Variants in SYT16 observed in about 807,000 individuals in gnomAD.
SYT16 encodes synaptotagmin 16, also known as synaptotagmin-16.
In SYT16, 42 loss-of-function variants were observed where a neutral mutation model predicts 61.4. That is an observed-to-expected ratio of 0.68 (90% confidence interval 0.53 to 0.89). The LOEUF (loss-of-function observed/expected upper bound fraction) is 0.89. SYT16 is among the 40% of genes least tolerant of loss of function. The pLI, the probability that SYT16 is intolerant of heterozygous loss-of-function variation, is 0.00. For synonymous variants in SYT16, 314 were observed against 302.3 expected (o/e 1.04, Z -0.40); for missense variants, 804 against 807.3 (o/e 1.00, Z 0.05).
rs929607475 is a variant in SYT16 at position 61,886,533 on chromosome 14, T to C, written c.-325+73723T>C. ...TAGATTCTGTCTTAAGAAACCACTT[T>C]GCTCATCTGCTCATCTGTAAGAAGC... On this transcript the variant is annotated intron_variant, in intron 1 of 7. Transcript: ENST00000683842. Among the ~76,000 whole-genome samples, 10 of 152,350 alleles carry C rather than the reference T, an allele frequency of 6.6e-5. No individual in the cohort carries two copies. In the East Asian group the frequency reaches 7.7e-4, roughly 12 times the overall value.
intron 1 of SYT16, among the ~76,000 whole-genome samples, chr14:61,838,976 C>T (rs1266948139): frequency 6.6e-6 from 1 of 151,330 alleles, no homozygotes; most frequent in Non-Finnish European, 1.5e-5. Flanking sequence ...ACCGGCCCCC[C>T]ACCCCCCCGC....
rs1308830485 is a variant in SYT16 at position 62,104,715 on chromosome 14, A to G, written c.*4008A>G. On this transcript the variant is annotated 3_prime_UTR_variant, in exon 8 of 8. Transcript: ENST00000683842. ...TGGCATAGCACAGTGAAGTTGGCAC[A>G]AACTGTGATCCTGGCCTGGGTTTAC... 2 of 152,248 alleles carry G rather than the reference A, an allele frequency of 1.3e-5. No individual in the cohort carries two copies. The highest frequency in any genetic ancestry group is 2.9e-5 in the Non-Finnish European group (2 of 68,034). The allele number at this position is 152,248 out of a possible 1,614,324, so 9.4% of individuals were successfully genotyped here. A position where few individuals can be genotyped will look rare whatever the true frequency, so the allele number is the denominator to read the frequency against.
At chr14:61,983,753 C>T (rs2052185878) in intron 2 of SYT16, among the ~76,000 whole-genome samples, 2 of 152,104 alleles carry the variant, frequency 1.3e-5, no homozygotes, top group South Asian at 4.1e-4. Flanking sequence ...GTCTCGAATT[C>T]CTGGCCTCAA....
intron 1 of SYT16, among the ~76,000 whole-genome samples, chr14:61,817,169 C>A (rs985200839): frequency 6.6e-6 from 1 of 151,862 alleles, no homozygotes; most frequent in Non-Finnish European, 1.5e-5. Context: ...GTAATCCGAG[C>A]ACTTTGGGAG....
At chr14:61,999,927 T>C (rs1308738443) in intron 3 of SYT16, among the ~76,000 whole-genome samples, 1 of 151,716 alleles carries the variant, frequency 6.6e-6, no homozygotes, top group Non-Finnish European at 1.5e-5. Flanking sequence ...TTTCCGTTAT[T>C]TTAGTTTTTA....
intron 6 of SYT16, among the ~76,000 whole-genome samples, chr14:62,081,790 A>G (rs939498160): frequency 6.6e-6 from 1 of 152,102 alleles, no homozygotes; most frequent in African/African-American, 2.4e-5. Context: ...CATAATTTAC[A>G]TGCCTACAGG....
chr14:61,937,253 A>T (rs1238654439), intron 1 of SYT16, among the ~76,000 whole-genome samples: 1 of 152,270 alleles, frequency 6.6e-6, no homozygotes, highest in Non-Finnish European at 1.5e-5. Flanking sequence ...GAGCAAGGCC[A>T]GTGTTAATGG....
intron 1 of SYT16, among the ~76,000 whole-genome samples, chr14:61,906,748 T>C (rs992475674): frequency 6.7e-6 from 1 of 148,686 alleles, no homozygotes; most frequent in Non-Finnish European, 1.5e-5. Context: ...CATCCATCCA[T>C]CCTTCCGTCC....
Position 62,075,261 on chromosome 14 carries a change from A to G in SYT16, c.863A>G (p.Gln288Arg). 1 of 1,613,966 alleles carries G rather than the reference A, an allele frequency of 6.2e-7. No homozygotes were observed. The highest frequency in any genetic ancestry group is 8.5e-7 in the Non-Finnish European group (1 of 1,179,878). The change falls in exon 5 of 8, where the codon CAA becomes CGA. Residue 288 changes from glutamine to arginine, a missense_variant. Transcript: ENST00000683842. Reference protein sequence around the residue: ...GDAKHHGTSHQESSVVQSLRR... With the variant: ...GDAKHHGTSHRESSVVQSLRR... ...GCCAAACACCACGGCACATCTCACC[A>G]AGAGTCCAGTGTGGTCCAAAGCCTC...
At chr14:61,888,977 G>C (rs1039208963) in intron 1 of SYT16, among the ~76,000 whole-genome samples, 2 of 152,144 alleles carry the variant, frequency 1.3e-5, no homozygotes, top group Non-Finnish European at 2.9e-5. Context: ...TTCACTGTAG[G>C]AGGCCCAGAA....
intron 7 of SYT16, among the ~76,000 whole-genome samples, chr14:62,093,988 G>A (rs891678339): frequency 2.6e-5 from 4 of 152,098 alleles, no homozygotes; most frequent in African/African-American, 9.7e-5. Context: ...CTGAGGTGAT[G>A]ATATTCAAAA....
intron 7 of SYT16, among the ~76,000 whole-genome samples, chr14:62,087,439 C>T (rs968425598): frequency 6.6e-6 from 1 of 152,196 alleles, no homozygotes; most frequent in Non-Finnish European, 1.5e-5. Context: ...AGGCTCTCGG[C>T]TCAGGTGCAG....
In SYT16 at chr14:61,862,023, T is replaced by TA. The variant is rs557649130; in HGVS notation, c.-325+49221dup. 1.6e-3 allele frequency among the ~76,000 whole-genome samples: 244 copies of TA among 152,002 alleles called. No individual in the cohort carries two copies. The Middle Eastern group carries it at 0.017, about 11-fold the overall frequency. On this transcript the variant is annotated intron_variant, in intron 1 of 7. Transcript: ENST00000683842. ...AGGGTTGCTACAAACTTTCAATTTG[T>TA]AAAAAAAACACACACAATATCTGCA... is the stretch of plus-strand genomic sequence containing the variant.
At chr14:62,083,672 A>G (rs2056786729) in intron 6 of SYT16, among the ~76,000 whole-genome samples, 1 of 152,200 alleles carries the variant, frequency 6.6e-6, no homozygotes. Context: ...TATATTTAAC[A>G]ACCTTAAGCA....
intron 1 of SYT16, among the ~76,000 whole-genome samples, chr14:61,813,409 G>A (rs1255600390): frequency 2.6e-5 from 4 of 152,234 alleles, no homozygotes; most frequent in South Asian, 4.1e-4. Flanking sequence ...TTGGCATCTT[G>A]GCACCGCTGC....
intron 2 of SYT16, among the ~76,000 whole-genome samples, chr14:61,982,346 G>T (rs146485562): frequency 3.3e-5 from 5 of 152,136 alleles, no homozygotes; most frequent in Non-Finnish European, 4.4e-5. Flanking sequence ...GAAGTTTAAT[G>T]GACTCAGAGT....
chr14:61,956,421 G>C (rs1342943895), intron 1 of SYT16, among the ~76,000 whole-genome samples: 2 of 151,982 alleles, frequency 1.3e-5, no homozygotes, highest in Admixed American at 6.6e-5. Context: ...TCTTCTAAAA[G>C]TGTTATTGTT....
intron 1 of SYT16, among the ~76,000 whole-genome samples, chr14:61,925,012 C>T (rs2049479284): frequency 1.3e-5 from 2 of 152,216 alleles, no homozygotes; most frequent in Non-Finnish European, 2.9e-5. Flanking sequence ...ACTTGCATCT[C>T]ATTTGCCAAT....
intron 1 of SYT16, among the ~76,000 whole-genome samples, chr14:61,838,984 C>A: frequency 6.6e-6 from 1 of 151,452 alleles, no homozygotes; most frequent in African/African-American, 2.4e-5. Flanking sequence ...CCCACCCCCC[C>A]GCCATGGTCT....
Sources: allele counts gnomAD v4.1 joint callset (sites outside exome capture counted in the v4.1 genomes callset), GRCh38; gene constraint gnomAD v4.1.1; transcripts MANE v1.5; gene names NCBI Gene and HGNC (gene_info 2026-07-23, HGNC 2026-07-21).